EPC1: variants seen among roughly 807,000 people sequenced by gnomAD.
EPC1 encodes the protein enhancer of polycomb homolog 1.
A neutral mutation model predicts 98.4 loss-of-function variants in EPC1; 12 were observed. That is an observed-to-expected ratio of 0.12 (90% confidence interval 0.08 to 0.20). The LOEUF (loss-of-function observed/expected upper bound fraction) is 0.20. Ranked by LOEUF, EPC1 falls within the 10% of genes least tolerant of loss-of-function variation. The probability of loss-of-function intolerance (pLI) is 1.00; values close to 1 mark genes in which losing one functional copy is unlikely to be tolerated. For synonymous variants in EPC1, 357 were observed against 363.9 expected (o/e 0.98, Z 0.21); for missense variants, 729 against 990.5 (o/e 0.74, Z 3.54).
intron 1 of EPC1, among the ~76,000 whole-genome samples, chr10:32,370,834 A>G (rs1169424341): frequency 6.6e-6 from 1 of 152,234 alleles, no homozygotes; most frequent in East Asian, 1.9e-4. Context: ...TGAGTACCGT[A>G]TTGGACAGCA....
At chr10:32,363,278 A>G (rs1839496232) in intron 1 of EPC1, among the ~76,000 whole-genome samples, 1 of 152,150 alleles carries the variant, frequency 6.6e-6, no homozygotes, top group South Asian at 2.1e-4. Flanking sequence ...TTGTATTTTC[A>G]CCATGTTGCC....
chr10:32,347,023 A>C lies in EPC1; in HGVS notation c.-108T>G. ...CTCGCCAACCGCTGCCGGGGACTTG[A>C]GGGGCGGAGCGCAGAGCCCGCCGTC... On this transcript the variant is annotated 5_prime_UTR_variant, in exon 1 of 14. Transcript: ENST00000319778. 3 of 1,509,438 alleles carry C rather than the reference A, an allele frequency of 2.0e-6. No individual in the cohort carries two copies. The highest frequency in any genetic ancestry group is 2.6e-6 in the Non-Finnish European group (3 of 1,135,780). 93.5% of individuals were successfully genotyped at this position (1,509,438 alleles called of 1,614,324 possible). A position where few individuals can be genotyped will look rare whatever the true frequency, so the allele number is the denominator to read the frequency against.
chr10:32,341,331 C>CTGTGTGTGTGTG (rs150858943), intron 1 of EPC1, among the ~76,000 whole-genome samples: 2,028 of 151,160 alleles, frequency 0.013, 21 homozygotes, highest in African/African-American at 0.016. Flanking sequence ...GTGTGTGTGT[C>CTGTGTGTGTGTG]TGTGTGTGTG....
chr10:32,279,347 TAAAAAAAAAA>T (rs397972135), intron 10 of EPC1, among the ~76,000 whole-genome samples: 1 of 130,356 alleles, frequency 7.7e-6, no homozygotes, highest in African/African-American at 2.8e-5. Context: ...GACTCTGTCT[TAAAAAAAAAA>T]AAAAAAGAAA....
In EPC1 at chr10:32,341,179, TTAAC is replaced by T. The variant is rs1592618617; in HGVS notation, c.153+5580_153+5583del. 3.3e-5 allele frequency among the ~76,000 whole-genome samples: 5 copies of T among 152,344 alleles called. No individual in the cohort carries two copies. The East Asian group carries it at 9.6e-4, about 29-fold the overall frequency. ...TCCCTTAAAATGCTATCTTCTGCTT[TTAAC>T]TAACTGCTGTTAACAATTAAGCATC... On this transcript the variant is annotated intron_variant, in intron 1 of 13. Coordinates refer to ENST00000319778, the MANE Select transcript of EPC1 (RefSeq NM_001272004.3).
intron 1 of EPC1, among the ~76,000 whole-genome samples, chr10:32,329,461 T>C (rs183084248): frequency 3.1e-4 from 47 of 152,318 alleles, no homozygotes; most frequent in Admixed American, 2.7e-3. Flanking sequence ...TTAAACTCAA[T>C]TGAACATTCA....
chr10:32,307,474 TAA>T (rs982275491), intron 1 of EPC1, among the ~76,000 whole-genome samples: 2 of 152,232 alleles, frequency 1.3e-5, no homozygotes, highest in Non-Finnish European at 2.9e-5. Context: ...TTACAAATGA[TAA>T]AGTTTCTTTT....
intron 1 of EPC1, among the ~76,000 whole-genome samples, chr10:32,369,681 A>G (rs1188092706): frequency 6.6e-6 from 1 of 152,244 alleles, no homozygotes; most frequent in Non-Finnish European, 1.5e-5. Flanking sequence ...TAATTGCACT[A>G]TTTAAGAACA....
At chr10:32,327,011 A>C (rs1175170073) in intron 1 of EPC1, among the ~76,000 whole-genome samples, 2 of 142,478 alleles carry the variant, frequency 1.4e-5, no homozygotes, top group Non-Finnish European at 3.1e-5. Flanking sequence ...AAAAAAAAAA[A>C]AAAAAAATCA....
chr10:32,334,226 G>A (rs1049127070), intron 1 of EPC1, among the ~76,000 whole-genome samples: 2 of 152,156 alleles, frequency 1.3e-5, no homozygotes, highest in Non-Finnish European at 2.9e-5. Flanking sequence ...TGATAGGAAT[G>A]TTTTATAGAG....
rs142458679 is a variant in EPC1 at position 32,292,412 on chromosome 10, T to C, written c.815+84A>G. 4.4e-4 allele frequency: 433 copies of C among 986,766 alleles called. 8 individuals are homozygous for C. The East Asian group carries it at 0.011, about 25-fold the overall frequency. The allele number at this position is 986,766 out of a possible 1,614,324, so 61.1% of individuals were successfully genotyped here. On this transcript the variant is annotated intron_variant, in intron 5 of 13. Transcript: ENST00000319778. ...AAAAAAAGATATTTCTGTAATTAGATTATTGCATAGGAAATAAATTAACTC... is the reference window on the plus strand; with the variant it reads ...AAAAAAAGATATTTCTGTAATTAGACTATTGCATAGGAAATAAATTAACTC...
chr10:32,322,018 A>G (rs1836956207), intron 1 of EPC1, among the ~76,000 whole-genome samples: 1 of 150,216 alleles, frequency 6.7e-6, no homozygotes, highest in Middle Eastern at 3.4e-3. Context: ...TTCTCCTTAG[A>G]GTACTTCTAC....
At position 32,269,149 on chromosome 10, in the gene EPC1, G is replaced by A; in HGVS notation, c.2370-14C>T. On this transcript the variant is annotated splice_polypyrimidine_tract_variant and intron_variant, in intron 13 of 13. Transcript: ENST00000319778. ...TCATGATTTTCCCTGTTGAAATAAAGTTCAATCAATTACTTATCTACAACA... is the reference window on the plus strand; with the variant it reads ...TCATGATTTTCCCTGTTGAAATAAAATTCAATCAATTACTTATCTACAACA... 6.2e-7 allele frequency: 1 copy of A among 1,608,350 alleles called. No homozygotes were observed. Among genetic ancestry groups the A allele is most frequent in the Non-Finnish European group, 8.5e-7 (1 of 1,175,464 alleles).
At chr10:32,336,739 C>G (rs1237044582) in intron 1 of EPC1, among the ~76,000 whole-genome samples, 1 of 151,952 alleles carries the variant, frequency 6.6e-6, no homozygotes, top group Non-Finnish European at 1.5e-5. Context: ...TATCTGCCTT[C>G]CTTTCACAAA....
intron 2 of EPC1, among the ~76,000 whole-genome samples, chr10:32,300,196 G>A (rs1449701842): frequency 2.6e-5 from 4 of 151,796 alleles, no homozygotes; most frequent in Admixed American, 6.6e-5. Flanking sequence ...ACAGGCATGA[G>A]CCACCGTGCC....
intron 2 of EPC1, among the ~76,000 whole-genome samples, chr10:32,299,086 T>C (rs1339148395): frequency 1.3e-5 from 2 of 152,238 alleles, no homozygotes. Context: ...CATACGCACA[T>C]GTGCTCGTGC....
At chr10:32,273,048 C>A (rs200404179) in intron 11 of EPC1, 115 bp downstream of exon 11, 1 of 1,614,098 alleles carries the variant, frequency 6.2e-7, no homozygotes, top group East Asian at 2.2e-5. Flanking sequence ...TATATTCAGG[C>A]GAAAGCCACT....
At chr10:32,357,324 G>C (rs1347875548) in intron 1 of EPC1, among the ~76,000 whole-genome samples, 1 of 152,216 alleles carries the variant, frequency 6.6e-6, no homozygotes, top group Non-Finnish European at 1.5e-5. Context: ...AGACGCATAA[G>C]ACAAAAAATA....
intron 1 of EPC1, among the ~76,000 whole-genome samples, chr10:32,321,254 T>A (rs569065120): frequency 1.3e-5 from 2 of 152,194 alleles, no homozygotes; most frequent in Admixed American, 6.5e-5. Context: ...ACCAAGAGAG[T>A]TGAGTAGTGA....
Sources: gnomAD v4.1 joint callset for allele counts (sites outside exome capture counted in the v4.1 genomes callset) on GRCh38, gnomAD v4.1.1 for gene constraint, MANE v1.5 for transcripts, NCBI Gene and HGNC (gene_info 2026-07-23, HGNC 2026-07-21) for gene names.